Variants in LHCGR observed in about 807,000 individuals in gnomAD.
The protein encoded by LHCGR is luteinizing hormone/choriogonadotropin receptor.
A neutral mutation model predicts 60.7 loss-of-function variants in LHCGR; 55 were observed. The ratio of observed to expected loss-of-function variants is 0.91; its 90% CI spans 0.73 to 1.13. LHCGR has a LOEUF of 1.13. LHCGR is among the 50% of genes most tolerant of loss of function. The probability of loss-of-function intolerance (pLI) is 0.00; values close to 1 mark genes in which losing one functional copy is unlikely to be tolerated. For missense variants in LHCGR, 862 were observed against 836.0 expected (o/e 1.03, Z -0.38); for synonymous variants, 337 against 316.5 (o/e 1.06, Z -0.69).
chr2:48,755,550 G>A lies in LHCGR; in HGVS notation c.122C>T (p.Ala41Val). Residue 41 changes from alanine to valine, a missense_variant, in exon 1 of 11, where the codon GCC (alanine) becomes GTC (valine). Physicochemically the swap from Ala to Val is moderately conservative, Grantham distance 64. Transcript: ENST00000294954. Reference sequence around the variant, plus strand: ...GGCCGTGGGGCCGGGGCAGCGCAGGGCGCCGTCGGGCACGCAGTTGCAGGG... The same window carrying A: ...GGCCGTGGGGCCGGGGCAGCGCAGGACGCCGTCGGGCACGCAGTTGCAGGG... ...PEPCNCVPDG[A>V]LRCPGPTAGL... is the part of the protein sequence containing the mutation. 4 of 1,541,380 alleles carry A rather than the reference G, an allele frequency of 2.6e-6. No homozygotes were observed. The highest frequency in any genetic ancestry group is 3.5e-6 in the Non-Finnish European group (4 of 1,145,030).
Position 48,688,954 on chromosome 2 carries a change from A to T in LHCGR, c.948-105T>A. 1.0e-6 allele frequency: 1 copy of T among 976,974 alleles called. No homozygotes were observed. Among genetic ancestry groups the T allele is most frequent in the Non-Finnish European group, 1.6e-6 (1 of 629,728 alleles). The allele number at this position is 976,974 out of a possible 1,614,324, so 60.5% of individuals were successfully genotyped here. On this transcript the variant is annotated intron_variant, in intron 10 of 10. Transcript: ENST00000294954. The surrounding 1 kb of genome is among the most constrained non-coding windows in gnomAD (Gnocchi z 5.2). ...CAAAGAAACAAAAGGAAACAAAGCCATAATAGCCTCAGCCTTACATTTATT... is the reference window on the plus strand; with the variant it reads ...CAAAGAAACAAAAGGAAACAAAGCCTTAATAGCCTCAGCCTTACATTTATT...
intron 7 of LHCGR, among the ~76,000 whole-genome samples, chr2:48,711,529 C>G (rs76202336): frequency 1.3e-5 from 2 of 152,284 alleles, no homozygotes; most frequent in East Asian, 3.9e-4. Context: ...AGGACGTTGA[C>G]TAATTGAACT....
At chr2:48,697,754 T>C (rs1054320548) in intron 9 of LHCGR, among the ~76,000 whole-genome samples, 1 of 152,192 alleles carries the variant, frequency 6.6e-6, no homozygotes, top group Non-Finnish European at 1.5e-5. Flanking sequence ...GGCAGTGTTG[T>C]TCCAACTGTG....
chr2:48,721,921 G>C (rs1341517357), intron 6 of LHCGR: 2 of 390,932 alleles, frequency 5.1e-6, no homozygotes, highest in Non-Finnish European at 1.0e-5. Flanking sequence ...GGAGGCCGAG[G>C]AGGGCAGGTC....
chr2:48,719,566 T>C (rs1668414063), intron 6 of LHCGR, among the ~76,000 whole-genome samples: 1 of 152,204 alleles, frequency 6.6e-6, no homozygotes, highest in African/African-American at 2.4e-5. Flanking sequence ...AAATTCTGCT[T>C]ATTTGGGAAG....
intron 6 of LHCGR, among the ~76,000 whole-genome samples, chr2:48,717,787 C>T (rs1405699226): frequency 6.8e-6 from 1 of 147,236 alleles, no homozygotes; most frequent in Non-Finnish European, 1.5e-5. Flanking sequence ...CACCTTTGGT[C>T]TGTACTAGCG....
chr2:48,708,017 C>T (rs1238944468), intron 8 of LHCGR, among the ~76,000 whole-genome samples: 3 of 152,110 alleles, frequency 2.0e-5, no homozygotes, highest in Non-Finnish European at 4.4e-5. Flanking sequence ...TTCAGCTGGC[C>T]CTCTGTGGGC....
rs1311412344 is a variant in LHCGR, at chr2:48,694,321, T to TA, written c.867-18dup. On this transcript the variant is annotated splice_polypyrimidine_tract_variant and intron_variant, in intron 9 of 10. Coordinates refer to ENST00000294954, the MANE Select transcript of LHCGR (RefSeq NM_000233.4). ...AAATTCTGTCTGAAAGAGAAGAGGT[T>TA]AAAAAAAGCATTTGAGCTTTTGGAC... 1.3e-6 allele frequency: 2 copies of TA among 1,530,822 alleles called. No individual in the cohort carries two copies. Among genetic ancestry groups the TA allele is most frequent in the African/African-American group, 2.7e-5 (2 of 73,592 alleles). The allele number at this position is 1,530,822 out of a possible 1,614,324, so 94.8% of individuals were successfully genotyped here.
intron 6 of LHCGR, among the ~76,000 whole-genome samples, chr2:48,714,484 T>A (rs1247083717): frequency 9.4e-6 from 1 of 106,318 alleles, no homozygotes; most frequent in African/African-American, 3.7e-5. Flanking sequence ...CTGAGCCCAC[T>A]TTTTTTTTTT....
At chr2:48,726,834 C>T (rs889229877) in intron 3 of LHCGR, among the ~76,000 whole-genome samples, 4 of 152,122 alleles carry the variant, frequency 2.6e-5, no homozygotes, top group South Asian at 2.1e-4. Context: ...AAGGCCTCAA[C>T]CAGTGTTAAC....
Position 48,687,695 on chromosome 2 carries a change from A to T in LHCGR, c.*2T>A. On this transcript the variant is annotated 3_prime_UTR_variant, in exon 11 of 11. Coordinates refer to ENST00000294954, the MANE Select transcript of LHCGR (RefSeq NM_000233.4). ...TCAATAATGCAGTTACTGATGTAAC[A>T]GTTAACACTCTGTGTAGCGAGTCTT... 2.5e-6 allele frequency: 4 copies of T among 1,610,470 alleles called. No homozygotes were observed. The highest frequency in any genetic ancestry group is 3.4e-6 in the Non-Finnish European group (4 of 1,176,694).
intron 6 of LHCGR, chr2:48,720,064 G>A (rs952881624): frequency 5.9e-5 from 9 of 152,228 alleles, no homozygotes; most frequent in Middle Eastern, 3.4e-3. Context: ...TGGGAGAGAC[G>A]GAGCCTCAAT....
rs1330885466 is a variant in LHCGR at position 48,734,975 on chromosome 2, ACTATG to A, written c.162-3682_162-3678del. On this transcript the variant is annotated intron_variant, in intron 1 of 10. Coordinates refer to ENST00000294954, the MANE Select transcript of LHCGR (RefSeq NM_000233.4). ...GGCTGTGGAAAAATATGGCTGTAGA[ACTATG>A]CAGCTACTTAAATTTATTATATTTT... Among the ~76,000 whole-genome samples, 12 of 152,324 alleles carry A rather than the reference ACTATG, an allele frequency of 7.9e-5. No individual in the cohort carries two copies. In the East Asian group the frequency reaches 2.1e-3, roughly 27 times the overall value.
chr2:48,695,358 A>C (rs528614470), intron 9 of LHCGR, among the ~76,000 whole-genome samples: 41 of 152,304 alleles, frequency 2.7e-4, no homozygotes, highest in African/African-American at 9.9e-4. Flanking sequence ...TTAGCTAAAA[A>C]TTCTTTGCCA....
intron 1 of LHCGR, among the ~76,000 whole-genome samples, chr2:48,733,360 G>T (rs1394224823): frequency 6.6e-6 from 1 of 152,168 alleles, no homozygotes; most frequent in Non-Finnish European, 1.5e-5. Flanking sequence ...TTTGATCAGG[G>T]AGGTTGCCTG....
chr2:48,703,806 C>T (rs1667525279), intron 8 of LHCGR, among the ~76,000 whole-genome samples: 1 of 152,184 alleles, frequency 6.6e-6, no homozygotes, highest in Non-Finnish European at 1.5e-5. Flanking sequence ...ATAGGGTTTT[C>T]TAAATATACA....
At chr2:48,730,401 C>A (rs1391036827) in intron 2 of LHCGR, among the ~76,000 whole-genome samples, 1 of 152,158 alleles carries the variant, frequency 6.6e-6, no homozygotes, top group Non-Finnish European at 1.5e-5. Flanking sequence ...CTATAATATG[C>A]AGTAATTCTT....
intron 1 of LHCGR, among the ~76,000 whole-genome samples, chr2:48,751,803 C>T (rs983844818): frequency 1.3e-5 from 2 of 152,156 alleles, no homozygotes; most frequent in Non-Finnish European, 2.9e-5. Context: ...AATATCTTGC[C>T]AAGGCCTCTG....
At chr2:48,747,834 G>C (rs1423668749) in intron 1 of LHCGR, among the ~76,000 whole-genome samples, 1 of 152,140 alleles carries the variant, frequency 6.6e-6, no homozygotes. Context: ...GACTTACCCA[G>C]AGCCCCACCC....
Sources: gnomAD v4.1 joint callset for allele counts (sites outside exome capture counted in the v4.1 genomes callset) on GRCh38, gnomAD v4.1.1 for gene constraint, Gnocchi (gnomAD v3.1) non-coding constraint, MANE v1.5 for transcripts, NCBI Gene and HGNC (gene_info 2026-07-23, HGNC 2026-07-21) for gene names.